Variants in XYLT2 observed in about 807,000 individuals in gnomAD.
XYLT2 encodes the protein xylosyltransferase 2.
In XYLT2, 37 loss-of-function variants were observed where a neutral mutation model predicts 82.6. The observed-to-expected ratio is 0.45, with a 90% confidence interval of 0.34 to 0.59. The LOEUF (loss-of-function observed/expected upper bound fraction) is 0.59, where lower values mean the gene tolerates loss of function less well. XYLT2 is among the 20% of genes least tolerant of loss of function. The pLI, the probability that XYLT2 is intolerant of heterozygous loss-of-function variation, is 0.01. For synonymous variants in XYLT2, 474 were observed against 499.0 expected, an observed-to-expected ratio of 0.95 and a Z score of 0.67; for missense variants, 934 against 1,181.3, an observed-to-expected ratio of 0.79 and a Z score of 3.07.
rs1912065617 is a variant in XYLT2, at chr17:50,346,886, A to T, written c.135+611A>T. The T allele has an allele frequency of 5.1e-6, 5 of 985,330 alleles. No homozygotes were observed. Among genetic ancestry groups the T allele is most frequent in the Non-Finnish European group, 6.0e-6 (5 of 829,894 alleles). 61.0% of individuals were successfully genotyped at this position (985,330 alleles called of 1,614,324 possible). The stretch of plus-strand genomic sequence containing the variant: ...TGTGGCTTCCTCAGCCGGGGGTTTG[A>T]AGAACCTGGATGGGTCTCCGGAGGG... On this transcript the variant is annotated intron_variant, in intron 1 of 10. Transcript: ENST00000017003. The surrounding 1 kb of genome is among the most constrained non-coding windows in gnomAD (Gnocchi z 5.1).
chr17:50,354,585 T>A lies in XYLT2; in HGVS notation c.804+2T>A. 6.2e-7 allele frequency: 1 copy of A among 1,604,580 alleles called. No homozygotes were observed. ...TTCTTTTACATCCATGTGGACAAGGTACTGTGGTGGGGAGAGGCCAAGGGG... is the reference window on the plus strand; with the variant it reads ...TTCTTTTACATCCATGTGGACAAGGAACTGTGGTGGGGAGAGGCCAAGGGG... On this transcript the variant is annotated splice_donor_variant, in intron 3 of 10. Transcript: ENST00000017003. LOFTEE classifies it high-confidence loss of function.
At chr17:50,358,156 G>A (rs893595168) in intron 9 of XYLT2, 51 bp from the exon 10 acceptor site, 1 of 1,482,956 alleles carries the variant, frequency 6.7e-7, no homozygotes, top group Non-Finnish European at 9.1e-7. Context: ...TTCAGAGGAG[G>A]GAGAAGGACC....
In XYLT2 at chr17:50,360,906, A is replaced by G; in HGVS notation, c.*615A>G. The stretch of plus-strand genomic sequence containing the variant: ...AGGACAGTTCTTTTGTAGCCAGGGG[A>G]CCCTAGAAGTGGGGTGGGGCGGCTC... On this transcript the variant is annotated 3_prime_UTR_variant, in exon 11 of 11. Coordinates refer to ENST00000017003, the MANE Select transcript of XYLT2 (RefSeq NM_022167.4). 2 of 985,762 alleles carry G rather than the reference A, an allele frequency of 2.0e-6. No individual in the cohort carries two copies. The highest frequency in any genetic ancestry group is 2.4e-6 in the Non-Finnish European group (2 of 829,968). The allele number at this position is 985,762 out of a possible 1,614,324, so 61.1% of individuals were successfully genotyped here.
At chr17:50,353,435 C>T (rs991139306) in intron 1 of XYLT2, among the ~76,000 whole-genome samples, 195 bp from the exon 2 acceptor site, 11 of 152,154 alleles carry the variant, frequency 7.2e-5, no homozygotes, top group Admixed American at 4.6e-4. Flanking sequence ...AGGCCCAGTG[C>T]GCCCTCAGTG....
At position 50,360,823 on chromosome 17, in the gene XYLT2, A is replaced by G; in HGVS notation, c.*532A>G. The G allele has an allele frequency of 1.0e-6, 1 of 985,938 alleles. No individual in the cohort carries two copies. The highest frequency in any genetic ancestry group is 1.2e-6 in the Non-Finnish European group (1 of 830,044). The allele number at this position is 985,938 out of a possible 1,614,324, so 61.1% of individuals were successfully genotyped here. The stretch of plus-strand genomic sequence containing the variant: ...TCCACAGGGCTGCAAGTGCCCTGCC[A>G]GGCTCTAAGGCCCGAAGAACAGGTG... On this transcript the variant is annotated 3_prime_UTR_variant, in exon 11 of 11. Coordinates refer to ENST00000017003, the MANE Select transcript of XYLT2 (RefSeq NM_022167.4).
intron 3 of XYLT2, 46 bp downstream of exon 3, chr17:50,354,629 G>A: frequency 6.4e-7 from 1 of 1,570,990 alleles, no homozygotes; most frequent in Non-Finnish European, 8.6e-7. Flanking sequence ...GAGCAGAGCA[G>A]AAACAGAAGG....
At chr17:50,349,463 G>C (rs1285921725) in intron 1 of XYLT2, among the ~76,000 whole-genome samples, 1 of 152,222 alleles carries the variant, frequency 6.6e-6, no homozygotes, top group Non-Finnish European at 1.5e-5. Context: ...AGAGATCAGA[G>C]GGCAACCGGG....
chr17:50,360,195 C>T lies in XYLT2; in HGVS notation c.2502C>T (p.Pro834=), dbSNP rs750974894. 2 of 1,614,118 alleles carry T rather than the reference C, an allele frequency of 1.2e-6. No homozygotes were observed. Among genetic ancestry groups the T allele is most frequent in the Admixed American group, 3.3e-5 (2 of 60,032 alleles). The change falls in exon 11 of 11, where the codon CCC becomes CCT. Residue 834 remains proline, a synonymous_variant. Coordinates refer to ENST00000017003, the MANE Select transcript of XYLT2 (RefSeq NM_022167.4). ...GTGCCATAGGCCCCTCTCCCTGCCC[C>T]TCCCTGGAGCCCTGCAGACTGACCA... ...GLCAIGPSPC[P]SLEPCRLTSW... is the part of the protein sequence containing the mutation.
rs1430679261 is a variant in XYLT2 at position 50,360,484 on chromosome 17, G to A, written c.*193G>A. On this transcript the variant is annotated 3_prime_UTR_variant, in exon 11 of 11. Coordinates refer to ENST00000017003, the MANE Select transcript of XYLT2 (RefSeq NM_022167.4). ...CTGATGTCTCTGTTGGGGATCAGAG[G>A]GCTGGCGGGAACGCGAGAAGGGCAC... is the stretch of plus-strand genomic sequence containing the variant. 1.5e-5 allele frequency: 20 copies of A among 1,309,334 alleles called. No homozygotes were observed. The South Asian group carries it at 2.5e-4, about 16-fold the overall frequency. The allele number at this position is 1,309,334 out of a possible 1,614,324, so 81.1% of individuals were successfully genotyped here.
intron 5 of XYLT2, 26 bp downstream of exon 5, chr17:50,355,607 G>C (rs1912486323): frequency 6.2e-7 from 1 of 1,613,454 alleles, no homozygotes; most frequent in Non-Finnish European, 8.5e-7. Flanking sequence ...AGGAGGCCCT[G>C]GCCCCAGAGT....
At position 50,360,833 on chromosome 17, in the gene XYLT2, G is replaced by A. The variant is rs1912778265; in HGVS notation, c.*542G>A. On this transcript the variant is annotated 3_prime_UTR_variant, in exon 11 of 11. Transcript: ENST00000017003. The stretch of plus-strand genomic sequence containing the variant: ...TGCAAGTGCCCTGCCAGGCTCTAAG[G>A]CCCGAAGAACAGGTGATATCGGGGG... 2.0e-6 allele frequency: 2 copies of A among 985,840 alleles called. No homozygotes were observed. Among genetic ancestry groups the A allele is most frequent in the Non-Finnish European group, 2.4e-6 (2 of 830,054 alleles). The allele number at this position is 985,840 out of a possible 1,614,324, so 61.1% of individuals were successfully genotyped here. A position where few individuals can be genotyped will look rare whatever the true frequency, so the allele number is the denominator to read the frequency against.
intron 1 of XYLT2, among the ~76,000 whole-genome samples, chr17:50,350,524 A>G (rs62060151): frequency 1.9e-4 from 9 of 48,614 alleles, no homozygotes. Context: ...CCGAGATTGC[A>G]CCACTGCACT....
chr17:50,358,599 A>G, intron 10 of XYLT2, 59 bp downstream of exon 10: 1 of 1,498,278 alleles, frequency 6.7e-7, no homozygotes, highest in African/African-American at 1.4e-5. Flanking sequence ...CTCGCCAGAG[A>G]GGTGACCTCA....
Position 50,353,933 on chromosome 17 carries a change from G to C in XYLT2, c.439G>C (p.Val147Leu). 1 of 1,607,672 alleles carries C rather than the reference G, an allele frequency of 6.2e-7. No individual in the cohort carries two copies. Among genetic ancestry groups the C allele is most frequent in the Admixed American group, 1.7e-5 (1 of 60,010 alleles). ...CCCACCACACGGAGATACAGGGAGC[G>C]TGGAGGGCGCCCCCCAGCCCACGGA... Reference protein sequence around the residue: ...GFPPHGDTGSVEGAPQPTDNG... With the variant: ...GFPPHGDTGSLEGAPQPTDNG... The change falls in exon 2 of 11, where the codon GTG (valine) becomes CTG (leucine). Residue 147 changes from valine (V) to leucine (L), a missense_variant. Coordinates refer to ENST00000017003, the MANE Select transcript of XYLT2 (RefSeq NM_022167.4).
In XYLT2 at chr17:50,354,481, C is replaced by T. The variant is rs914517998; in HGVS notation, c.702C>T (p.Ile234=). ...CCATGGATGGCCCCCCGGTGCGAATCGCCTACATGCTGGTGGTTCACGGCC... is the reference window on the plus strand; with the variant it reads ...CCATGGATGGCCCCCCGGTGCGAATTGCCTACATGCTGGTGGTTCACGGCC... The part of the protein sequence containing the change: ...QQPMDGPPVR[I]AYMLVVHGRA... Residue 234 remains isoleucine (I), a synonymous_variant, in exon 3 of 11, where the codon ATC becomes ATT. Transcript: ENST00000017003. The T allele has an allele frequency of 1.4e-5, 23 of 1,612,818 alleles. No individual in the cohort carries two copies. The highest frequency in any genetic ancestry group is 4.4e-5 in the South Asian group (4 of 91,048).
intron 2 of XYLT2, 60 bp from the exon 3 acceptor site, chr17:50,354,348 A>G: frequency 6.5e-7 from 1 of 1,534,204 alleles, no homozygotes; most frequent in Non-Finnish European, 8.7e-7. Flanking sequence ...CCCTCTTCCC[A>G]TCTCACCCCC....
chr17:50,360,595 T>C lies in XYLT2; in HGVS notation c.*304T>C. ...TCTTTTTTTTTTTTTTTTTTTAATT[T>C]AAAAAGGAAAATGGGTGGTTGGGAG... On this transcript the variant is annotated 3_prime_UTR_variant, in exon 11 of 11. Coordinates refer to ENST00000017003, the MANE Select transcript of XYLT2 (RefSeq NM_022167.4). The C allele has an allele frequency of 9.0e-7, 1 of 1,116,750 alleles. No homozygotes were observed. Among genetic ancestry groups the C allele is most frequent in the South Asian group, 4.0e-5 (1 of 24,900 alleles). 69.2% of individuals were successfully genotyped at this position (1,116,750 alleles called of 1,614,324 possible).
At chr17:50,355,099 CCT>C (rs767552605) in intron 4 of XYLT2, 43 bp downstream of exon 4, 182 of 1,512,274 alleles carry the variant, frequency 1.2e-4, no homozygotes, top group Non-Finnish European at 1.5e-4. Context: ...GGAGGGGACC[CCT>C]GTCTGGGCAC....
chr17:50,358,166 C>A (rs1181773139), intron 9 of XYLT2, 41 bp from the exon 10 acceptor site: 1 of 1,517,476 alleles, frequency 6.6e-7, no homozygotes, highest in Admixed American at 2.1e-5. Context: ...GGAGAAGGAC[C>A]TTTCCCCCAC....
Sources: allele counts gnomAD v4.1 joint callset (sites outside exome capture counted in the v4.1 genomes callset), GRCh38; gene constraint gnomAD v4.1.1; non-coding constraint Gnocchi (gnomAD v3.1); transcripts MANE v1.5; gene names NCBI Gene and HGNC (gene_info 2026-07-23, HGNC 2026-07-21).